The following NUCB2 variants were observed in gnomAD, a reference collection of about 807,000 sequenced individuals.
NUCB2 encodes the protein nucleobindin-2.
In NUCB2, 48 loss-of-function variants were observed where a neutral mutation model predicts 57.9. That is an observed-to-expected ratio of 0.83 (90% CI 0.66 to 1.05). NUCB2 has a LOEUF of 1.05. Among genes scored for constraint, NUCB2 ranks in the 50% least tolerant of loss-of-function variants. The probability of loss-of-function intolerance (pLI) is 0.00; values close to 1 mark genes in which losing one functional copy is unlikely to be tolerated. For synonymous variants in NUCB2, 139 were observed against 152.1 expected, an observed-to-expected ratio of 0.91 and a Z score of 0.64; for missense variants, 442 against 476.2, an observed-to-expected ratio of 0.93 and a Z score of 0.67.
chr11:17,282,200 CTA>C (rs1266109318), intron 1 of NUCB2, among the ~76,000 whole-genome samples: 7 of 98,356 alleles, frequency 7.1e-5, no homozygotes, highest in Non-Finnish European at 1.4e-4. Context: ...ATATCTATAT[CTA>C]TATATCTATA....
rs530114701 is a variant in NUCB2 at position 17,332,202 on chromosome 11, G to C, written c.*783G>C. 5 of 152,104 alleles carry C rather than the reference G, an allele frequency of 3.3e-5. No individual in the cohort carries two copies. The highest frequency in any genetic ancestry group is 3.3e-4 in the Admixed American group (5 of 15,262). 9.4% of individuals were successfully genotyped at this position (152,104 alleles called of 1,614,324 possible). ...TACCTCACTCTCACTGTTCAAGTTT[G>C]CTCCTGGAGGCAGTGGGGAAGGCAA... On this transcript the variant is annotated 3_prime_UTR_variant, in exon 14 of 14. Transcript: ENST00000529010.
chr11:17,342,712 T>G (rs1319676188), intron 2 of NUCB2, among the ~76,000 whole-genome samples: 1 of 149,622 alleles, frequency 6.7e-6, no homozygotes, highest in African/African-American at 2.5e-5. Context: ...TTACATTTGC[T>G]GAGGAGAGCT....
At chr11:17,288,928 CACACACACACACACACACACACATATAT>C (rs1565376789) in intron 2 of NUCB2, among the ~76,000 whole-genome samples, 1 of 89,458 alleles carries the variant, frequency 1.1e-5, no homozygotes, top group African/African-American at 6.7e-5. Flanking sequence ...CACACACACA[CACACACACACACACACACACACATATAT>C]ATATATATTT....
At chr11:17,343,454 T>G (rs1297174367) in intron 2 of NUCB2, among the ~76,000 whole-genome samples, 3 of 152,222 alleles carry the variant, frequency 2.0e-5, no homozygotes, top group Non-Finnish European at 4.4e-5. Flanking sequence ...TCCCCGCCCT[T>G]GCTTTAGATT....
At chr11:17,280,708 G>A (rs1942381155) in intron 1 of NUCB2, among the ~76,000 whole-genome samples, 1 of 152,158 alleles carries the variant, frequency 6.6e-6, no homozygotes, top group Non-Finnish European at 1.5e-5. Flanking sequence ...CTTTGGTTCT[G>A]GCAATGTTCA....
intron 11 of NUCB2, among the ~76,000 whole-genome samples, chr11:17,322,417 T>C (rs952461650): frequency 6.6e-6 from 1 of 152,166 alleles, no homozygotes; most frequent in Non-Finnish European, 1.5e-5. Flanking sequence ...TGTGGATTTG[T>C]TTCTGGGTTC....
intron 11 of NUCB2, among the ~76,000 whole-genome samples, chr11:17,318,978 C>G (rs1481236301): frequency 1.3e-5 from 2 of 151,816 alleles, no homozygotes; most frequent in African/African-American, 4.8e-5. Context: ...TGAGACCAGT[C>G]TGGGCAATGT....
chr11:17,321,608 G>T (rs995458693), intron 11 of NUCB2, among the ~76,000 whole-genome samples: 6 of 152,040 alleles, frequency 3.9e-5, no homozygotes, highest in African/African-American at 1.4e-4. Context: ...TTTCTTTTGG[G>T]TTAAGATTGC....
intron 11 of NUCB2, among the ~76,000 whole-genome samples, chr11:17,315,952 TTTG>T (rs776857612): frequency 6.6e-5 from 10 of 152,058 alleles, no homozygotes; most frequent in Non-Finnish European, 1.2e-4. Flanking sequence ...TTATGTGTTT[TTTG>T]TTGTTGTTTG....
At chr11:17,343,721 A>G (rs1377776520) in intron 2 of NUCB2, among the ~76,000 whole-genome samples, 1 of 152,162 alleles carries the variant, frequency 6.6e-6, no homozygotes, top group African/African-American at 2.4e-5. Context: ...AAACAGTTTT[A>G]TGGAGGTATT....
intron 1 of NUCB2, among the ~76,000 whole-genome samples, chr11:17,280,001 C>G (rs1346427833): frequency 6.6e-6 from 1 of 151,970 alleles, no homozygotes; most frequent in African/African-American, 2.4e-5. Flanking sequence ...CCATGTTGTC[C>G]AGGCTGGTCT....
rs1368000251 is a variant in NUCB2 at position 17,288,940 on chromosome 11, CACACACACACATAT to C, written c.-1+5999_-1+6012del. On this transcript the variant is annotated intron_variant, in intron 2 of 13. Transcript: ENST00000529010. The stretch of plus-strand genomic sequence containing the variant: ...ACACACACACACACACACACACACA[CACACACACACATAT>C]ATATATATATTTTTTTTTTTTGAGA... 1.4e-3 allele frequency among the ~76,000 whole-genome samples: 113 copies of C among 81,552 alleles called. 3 individuals are homozygous for C. The highest frequency in any genetic ancestry group is 1.7e-3 in the Non-Finnish European group (84 of 48,792). The allele number at this position is 81,552 out of a possible 152,430, so 53.5% of individuals were successfully genotyped here. A position where few individuals can be genotyped will look rare whatever the true frequency, so the allele number is the denominator to read the frequency against.
chr11:17,284,084 A>G (rs1473584368), intron 2 of NUCB2, among the ~76,000 whole-genome samples: 1 of 152,058 alleles, frequency 6.6e-6, no homozygotes, highest in Non-Finnish European at 1.5e-5. Flanking sequence ...GCTGGAGTGC[A>G]ATGGCTTAGT....
At chr11:17,277,300 A>G (rs983978759) in intron 1 of NUCB2, among the ~76,000 whole-genome samples, 1 of 152,198 alleles carries the variant, frequency 6.6e-6, no homozygotes, top group African/African-American at 2.4e-5. Context: ...AAGTTAGTGT[A>G]AGTCGTGATA....
intron 11 of NUCB2, among the ~76,000 whole-genome samples, chr11:17,323,974 T>C (rs911648552): frequency 6.6e-6 from 1 of 152,196 alleles, no homozygotes; most frequent in African/African-American, 2.4e-5. Flanking sequence ...TCTCTTAGTA[T>C]GGCTAAAGGT....
At chr11:17,304,689 G>A (rs1044783208) in intron 5 of NUCB2, among the ~76,000 whole-genome samples, 6 of 152,060 alleles carry the variant, frequency 3.9e-5, no homozygotes, top group Non-Finnish European at 8.8e-5. Flanking sequence ...AACTTAATCC[G>A]TAGAAATCAA....
intron 4 of NUCB2, among the ~76,000 whole-genome samples, chr11:17,299,820 C>T (rs139589968): frequency 5.7e-4 from 86 of 152,198 alleles, no homozygotes; most frequent in African/African-American, 2.0e-3. Context: ...GGGAGGACTG[C>T]TTGAGCCTGG....
At chr11:17,296,472 C>G (rs1219170010) in intron 4 of NUCB2, among the ~76,000 whole-genome samples, 1 of 152,026 alleles carries the variant, frequency 6.6e-6, no homozygotes, top group East Asian at 1.9e-4. Context: ...CTTAAGGAAC[C>G]CTCAAGGGAA....
At chr11:17,301,394 C>T (rs895540121) in intron 4 of NUCB2, among the ~76,000 whole-genome samples, 15 of 151,076 alleles carry the variant, frequency 9.9e-5, no homozygotes, top group Non-Finnish European at 2.2e-4. Flanking sequence ...TTCTTCTGCC[C>T]CAGCCTCCCA....
Sources: allele counts gnomAD v4.1 joint callset (sites outside exome capture counted in the v4.1 genomes callset), GRCh38; gene constraint gnomAD v4.1.1; transcripts MANE v1.5; gene names NCBI Gene and HGNC (gene_info 2026-07-23, HGNC 2026-07-21).